The following PES1 variants were observed in gnomAD, a reference collection of about 807,000 sequenced individuals.
PES1 encodes pescadillo ribosomal biogenesis factor 1.
A neutral mutation model predicts 77.1 loss-of-function variants in PES1; 31 were observed. The ratio of observed to expected loss-of-function variants is 0.40; its 90% CI spans 0.30 to 0.54. The LOEUF is 0.54. PES1 is among the 20% of genes least tolerant of loss of function. PES1 has a pLI of 0.45. For missense variants in PES1, 658 were observed against 771.7 expected (o/e 0.85, Z 1.75); for synonymous variants, 282 against 303.0 (o/e 0.93, Z 0.72).
intron 1 of PES1, chr22:30,606,760 C>T (rs2087454759): frequency 2.6e-6 from 2 of 780,640 alleles, no homozygotes; most frequent in Non-Finnish European, 3.1e-6. Flanking sequence ...CCCGCCACAA[C>T]TGAGGGAGGC....
intron 10 of PES1, 117 bp from the exon 11 acceptor site, chr22:30,580,295 T>C: frequency 2.3e-6 from 3 of 1,308,744 alleles, no homozygotes; most frequent in Non-Finnish European, 2.1e-6. Flanking sequence ...TAGGACACAA[T>C]TACCCCCTCC....
intron 10 of PES1, 140 bp downstream of exon 10, chr22:30,580,431 G>A (rs767934916): frequency 2.7e-5 from 33 of 1,203,708 alleles, no homozygotes; most frequent in African/African-American, 1.8e-4. Context: ...TGCTCAGTGC[G>A]GTGCCGAGCA....
upstream of PES1, among the ~76,000 whole-genome samples, chr22:30,596,313 T>G (rs2087251413): frequency 6.6e-6 from 1 of 151,778 alleles, no homozygotes; most frequent in Admixed American, 6.6e-5. Context: ...CATTAAAAAT[T>G]TAACCCTAAA....
rs529616617 is a variant in PES1 at position 30,599,508 on chromosome 22, C to T, written c.-661+5953G>A. 4.6e-5 allele frequency among the ~76,000 whole-genome samples: 7 copies of T among 152,284 alleles called. No individual in the cohort carries two copies. In the South Asian group the frequency reaches 1.2e-3, roughly 27 times the overall value. On this transcript the variant is annotated intron_variant, in intron 2 of 16. Coordinates refer to the PES1 transcript ENST00000402281. The stretch of plus-strand genomic sequence containing the variant: ...CAAAATAAGTACGTATTTTAAGATT[C>T]TTAGGTGAACATCTGATAGTCACAG...
chr22:30,588,033 G>T lies in PES1; in HGVS notation c.246C>A (p.Phe82Leu). Residue 82 changes from phenylalanine (F) to leucine (L), a missense_variant, in exon 3 of 15, where the codon TTC becomes TTA. Coordinates refer to ENST00000354694, the MANE Select transcript of PES1 (RefSeq NM_014303.4). ...GCCCAGACCTCACCTTGTATTCACG[G>T]AACTTGTTGACAATGGGTTCGTGGA... is the stretch of plus-strand genomic sequence containing the variant. ...FLLHEPIVNK[F>L]REYKVFVRKL... 6.2e-7 allele frequency: 1 copy of T among 1,613,902 alleles called. No individual in the cohort carries two copies. Among genetic ancestry groups the T allele is most frequent in the East Asian group, 2.2e-5 (1 of 44,890 alleles).
intron 2 of PES1, chr22:30,605,291 A>G (rs1233473413): frequency 5.1e-6 from 1 of 194,364 alleles, no homozygotes; most frequent in Non-Finnish European, 9.4e-6. Context: ...ATGAGCCACC[A>G]GTATTTCTAA....
intron 2 of PES1, among the ~76,000 whole-genome samples, chr22:30,588,558 A>C (rs2087128595): frequency 6.6e-6 from 1 of 152,058 alleles, no homozygotes; most frequent in African/African-American, 2.4e-5. Flanking sequence ...CAGGAGGATC[A>C]CCTGAGGTCA....
intron 4 of PES1, 75 bp downstream of exon 4, chr22:30,587,211 T>C (rs2087103812): frequency 9.2e-7 from 1 of 1,089,256 alleles, no homozygotes; most frequent in East Asian, 2.4e-5. Context: ...TTATTCCCTA[T>C]TGTATCCCTG....
intron 2 of PES1, among the ~76,000 whole-genome samples, chr22:30,597,876 A>ATTTTTTTTTTTTTATTTTT (rs1210779167): frequency 8.0e-6 from 1 of 125,080 alleles, no homozygotes; most frequent in African/African-American, 3.1e-5. Context: ...ACGCAGTTGA[A>ATTTTTTTTTTTTTATTTTT]GTTTTGTTTT....
upstream of PES1, among the ~76,000 whole-genome samples, chr22:30,596,233 G>A (rs1020997824): frequency 1.3e-5 from 2 of 152,166 alleles, no homozygotes; most frequent in African/African-American, 4.8e-5. Context: ...ACTCTTTACA[G>A]TGTTACTAAT....
intron 3 of PES1, among the ~76,000 whole-genome samples, chr22:30,587,778 T>C (rs1039798059): frequency 6.6e-6 from 1 of 152,210 alleles, no homozygotes; most frequent in Non-Finnish European, 1.5e-5. Context: ...TATATCAGCA[T>C]GAAACAAGCT....
At chr22:30,581,675 T>A (rs2086990973) in intron 6 of PES1, 31 bp from the exon 7 acceptor site, 1 of 1,482,542 alleles carries the variant, frequency 6.7e-7, no homozygotes, top group Non-Finnish European at 9.4e-7. Flanking sequence ...ATGAGCAGTG[T>A]GGGTGCAGGG....
rs1395702423 is a variant in PES1 at position 30,578,893 on chromosome 22, G to A, written c.1627C>T (p.Arg543Trp). ...ATCTTCTGGTACAGGTACTTCTCCC[G>A]CTTCTTCATCATCATAATGGCCAGG... is the stretch of plus-strand genomic sequence containing the variant. ...KRLAIMMMKKREKYLYQKIMF... is the reference protein window; with the variant it reads ...KRLAIMMMKKWEKYLYQKIMF... The change falls in exon 14 of 15, where the codon CGG (arginine) becomes TGG (tryptophan). Residue 543 changes from arginine to tryptophan, a missense_variant. Transcript: ENST00000354694. The A allele has an allele frequency of 1.2e-5, 19 of 1,612,944 alleles. No individual in the cohort carries two copies. The highest frequency in any genetic ancestry group is 6.7e-5 in the Admixed American group (4 of 59,996).
At chr22:30,591,939 CTGTT>C (rs761913189), upstream of PES1, 20 of 1,455,306 alleles carry the variant, frequency 1.4e-5, no homozygotes, top group Non-Finnish European at 1.7e-5. Flanking sequence ...CCCACGCTGT[CTGTT>C]TGTGCGGGCT....
chr22:30,597,865 CACGCAGTTG>C (rs1392156354), intron 2 of PES1, among the ~76,000 whole-genome samples: 14 of 106,634 alleles, frequency 1.3e-4, no homozygotes, highest in Admixed American at 1.1e-3. Flanking sequence ...GTTTTTTTTC[CACGCAGTTG>C]AAGTTTTGTT....
At chr22:30,590,084 C>T (rs550589622) in intron 1 of PES1, among the ~76,000 whole-genome samples, 19 of 152,268 alleles carry the variant, frequency 1.2e-4, no homozygotes, top group Admixed American at 9.2e-4. Flanking sequence ...CAGACAATAA[C>T]AGGTCCTCTA....
intron 2 of PES1, among the ~76,000 whole-genome samples, chr22:30,599,822 C>A (rs1461538688): frequency 6.6e-6 from 1 of 152,124 alleles, no homozygotes; most frequent in African/African-American, 2.4e-5. Flanking sequence ...ATCGCTTGAA[C>A]CTGGCAGGCA....
intron 2 of PES1, among the ~76,000 whole-genome samples, chr22:30,599,433 T>C (rs2087319973): frequency 6.6e-6 from 1 of 152,158 alleles, no homozygotes; most frequent in Non-Finnish European, 1.5e-5. Context: ...ATATGACTAA[T>C]TTAATATAAC....
At position 30,584,711 on chromosome 22, in the gene PES1, G is replaced by A. The variant is rs2087048228; in HGVS notation, c.375C>T (p.Pro125=). 6.2e-7 allele frequency: 1 copy of A among 1,613,548 alleles called. No individual in the cohort carries two copies. Among genetic ancestry groups the A allele is most frequent in the Non-Finnish European group, 8.5e-7 (1 of 1,179,986 alleles). Residue 125 remains proline, a synonymous_variant, in exon 5 of 15, where the codon CCC becomes CCT. Coordinates refer to ENST00000354694, the MANE Select transcript of PES1 (RefSeq NM_014303.4). ...KLDHIIKERY[P]TFIDALRDLD... ...GGTCCCGCAGGGCATCGATGAACGT[G>A]GGATACCTGCATGGCCAGTGAGGCA...
Sources: gnomAD v4.1 joint callset for allele counts (sites outside exome capture counted in the v4.1 genomes callset) on GRCh38, gnomAD v4.1.1 for gene constraint, MANE v1.5 for transcripts, NCBI Gene and HGNC (gene_info 2026-07-23, HGNC 2026-07-21) for gene names.